The following KDELR3 variants were observed in gnomAD, a reference collection of about 807,000 sequenced individuals.
KDELR3 encodes ER lumen protein-retaining receptor 3.
Under a neutral mutation model 22.7 loss-of-function variants are expected in KDELR3, and 26 were observed. That is an observed-to-expected ratio of 1.15 (90% CI 0.84 to 1.59). The LOEUF (loss-of-function observed/expected upper bound fraction) is 1.59. Ranked by LOEUF, KDELR3 falls within the 40% of genes most tolerant of loss-of-function variation. The pLI is 0.00. For missense variants in KDELR3, 289 were observed against 251.1 expected, an observed-to-expected ratio of 1.15 and a Z score of -1.02; for synonymous variants, 120 against 98.2, an observed-to-expected ratio of 1.22 and a Z score of -1.31.
At chr22:38,480,718 A>G (rs2089593783) in intron 3 of KDELR3, among the ~76,000 whole-genome samples, 1 of 152,050 alleles carries the variant, frequency 6.6e-6, no homozygotes, top group Non-Finnish European at 1.5e-5. Context: ...GCACCACTGC[A>G]CTCCAGCCTG....
Position 38,481,471 on chromosome 22 carries a change from C to CA in KDELR3, c.604+7_604+8insA, listed in dbSNP as rs780417621. 4.3e-6 allele frequency: 7 copies of CA among 1,614,096 alleles called. No individual in the cohort carries two copies. In the African/African-American group the frequency reaches 6.7e-5, roughly 15 times the overall value. On this transcript the variant is annotated splice_region_variant and intron_variant, in intron 4 of 4. Transcript: ENST00000216014. Reference sequence around the variant, plus strand: ...TACTTGTATGTGACCAAAGGTAGGTCCTGGGATGACAGCAATGCTGACACT... The same window carrying CA: ...TACTTGTATGTGACCAAAGGTAGGTCACTGGGATGACAGCAATGCTGACACT...
intron 1 of KDELR3, among the ~76,000 whole-genome samples, chr22:38,469,922 C>A (rs2089514278): frequency 6.6e-6 from 1 of 152,100 alleles, no homozygotes; most frequent in African/African-American, 2.4e-5. Context: ...CAGGTTCAAG[C>A]GATTCTCCTG....
intron 2 of KDELR3, among the ~76,000 whole-genome samples, chr22:38,474,861 C>T (rs1222000453): frequency 6.6e-6 from 1 of 151,768 alleles, no homozygotes; most frequent in Non-Finnish European, 1.5e-5. Context: ...ATTTGGGAGG[C>T]CGAGTCGGGC....
rs1602664110 is a variant in KDELR3 at position 38,481,725 on chromosome 22, G to C, written c.604+261G>C. 2.8e-5 allele frequency: 33 copies of C among 1,195,122 alleles called. 1 individual carries two copies. The East Asian group carries it at 6.4e-4, about 23-fold the overall frequency. The allele number at this position is 1,195,122 out of a possible 1,614,324, so 74.0% of individuals were successfully genotyped here. Reference sequence around the variant, plus strand: ...TTGGTTAGTAGTGAAAAACATTCCAGAACTTATTACAAGCCCCAAGGCAAC... The same window carrying C: ...TTGGTTAGTAGTGAAAAACATTCCACAACTTATTACAAGCCCCAAGGCAAC... On this transcript the variant is annotated intron_variant, in intron 4 of 4. Transcript: ENST00000216014.
chr22:38,482,407 TAA>T, intron 4 of KDELR3, 87 bp from the exon 5 acceptor site: 1 of 1,085,040 alleles, frequency 9.2e-7, no homozygotes, highest in Non-Finnish European at 1.4e-6. Context: ...AGCCGGCCAT[TAA>T]GAGATGATAC....
chr22:38,478,804 G>C, intron 2 of KDELR3, among the ~76,000 whole-genome samples: 1 of 151,156 alleles, frequency 6.6e-6, no homozygotes, highest in Non-Finnish European at 1.5e-5. Flanking sequence ...ATGCATGCCT[G>C]GCTAGTTTTT....
intron 2 of KDELR3, among the ~76,000 whole-genome samples, chr22:38,476,675 C>G (rs1202301135): frequency 6.6e-6 from 1 of 151,994 alleles, no homozygotes; most frequent in African/African-American, 2.4e-5. Context: ...CAGGCACCCA[C>G]CACCACGCCC....
intron 4 of KDELR3, among the ~76,000 whole-genome samples, chr22:38,481,875 C>T (rs2089605146): frequency 6.6e-6 from 1 of 152,206 alleles, no homozygotes; most frequent in African/African-American, 2.4e-5. Context: ...CTGGCCCACA[C>T]TGAAGAATTG....
chr22:38,479,714 T>C lies in KDELR3; in HGVS notation c.314T>C (p.Leu105Pro), dbSNP rs1239378582. The C allele has an allele frequency of 1.9e-6, 3 of 1,614,178 alleles. No individual in the cohort carries two copies. The highest frequency in any genetic ancestry group is 1.7e-6 in the Non-Finnish European group (2 of 1,180,020). The part of the protein sequence containing the change: ...LEFLLVPVIG[L>P]SFLENYSFTL... ...TTTCTTCTGGTCCCAGTCATTGGCC[T>C]TTCCTTCCTTGAAAACTACAGTTTC... Residue 105 changes from leucine (L) to proline (P), a missense_variant, in exon 3 of 5, where the codon CTT (leucine) becomes CCT (proline). Physicochemically the swap from Leu to Pro is moderately conservative, Grantham distance 98. Coordinates refer to ENST00000216014, the MANE Select transcript of KDELR3 (RefSeq NM_006855.4).
At chr22:38,468,372 C>T (rs2089500995) in intron 1 of KDELR3, 48 bp downstream of exon 1, 6 of 1,565,546 alleles carry the variant, frequency 3.8e-6, no homozygotes, top group Middle Eastern at 1.7e-4. Context: ...TCTGGCCAGC[C>T]TCATGCCCCT....
intron 3 of KDELR3, 71 bp from the exon 4 acceptor site, chr22:38,481,141 T>C (rs2089596675): frequency 7.5e-7 from 1 of 1,331,034 alleles, no homozygotes; most frequent in African/African-American, 1.5e-5. Flanking sequence ...ATTGTTTTAG[T>C]AATTATGTTC....
rs151099270 is a variant in KDELR3, at chr22:38,482,862, G to A, written c.*326G>A. 309 of 309,458 alleles carry A rather than the reference G, an allele frequency of 1.0e-3. 1 individual carries two copies. The highest frequency in any genetic ancestry group is 1.5e-3 in the Non-Finnish European group (246 of 168,150). 19.2% of individuals were successfully genotyped at this position (309,458 alleles called of 1,614,324 possible). A position where few individuals can be genotyped will look rare whatever the true frequency, so the allele number is the denominator to read the frequency against. ...AAGGCCTGAGGGCAAGACTCATGATGAGCAAGTCAACCCCAATCTGGAACA... is the reference window on the plus strand; with the variant it reads ...AAGGCCTGAGGGCAAGACTCATGATAAGCAAGTCAACCCCAATCTGGAACA... On this transcript the variant is annotated 3_prime_UTR_variant, in exon 5 of 5. Coordinates refer to ENST00000216014, the MANE Select transcript of KDELR3 (RefSeq NM_006855.4).
intron 2 of KDELR3, among the ~76,000 whole-genome samples, chr22:38,475,128 G>A (rs1349398069): frequency 6.8e-6 from 1 of 146,526 alleles, no homozygotes; most frequent in Non-Finnish European, 1.5e-5. Flanking sequence ...ACTTAGCTCA[G>A]AGGGTTTGGT....
chr22:38,480,786 G>C (rs141780380), intron 3 of KDELR3, among the ~76,000 whole-genome samples: 2 of 151,740 alleles, frequency 1.3e-5, no homozygotes, highest in African/African-American at 4.8e-5. Flanking sequence ...TTTTGGCTGG[G>C]TGTAGTGGCA....
At chr22:38,479,817 C>A in intron 3 of KDELR3, 66 bp downstream of exon 3, 1 of 1,497,772 alleles carries the variant, frequency 6.7e-7, no homozygotes, top group Non-Finnish European at 9.3e-7. Context: ...TCCCTCCAGA[C>A]CCTGGGCTTG....
At chr22:38,472,096 C>T (rs1292265463) in intron 1 of KDELR3, among the ~76,000 whole-genome samples, 2 of 152,152 alleles carry the variant, frequency 1.3e-5, no homozygotes, top group African/African-American at 2.4e-5. Context: ...CCCTTATCCA[C>T]GGAGGATATG....
At position 38,477,212 on chromosome 22, in the gene KDELR3, C is replaced by A. The variant is rs758497043; in HGVS notation, c.193-2381C>A. Among the ~76,000 whole-genome samples the A allele has an allele frequency of 8.7e-5, 13 of 149,258 alleles. 1 individual carries two copies. Among genetic ancestry groups the A allele is most frequent in the Non-Finnish European group, 1.6e-4 (11 of 67,440 alleles). ...ACAGGCATTAGCCACCATGCCCAGT[C>A]TTTTTTATTTTGAGACAGTCTCCCT... On this transcript the variant is annotated intron_variant, in intron 2 of 4. Transcript: ENST00000216014.
At chr22:38,475,557 G>C (rs1337803259) in intron 2 of KDELR3, among the ~76,000 whole-genome samples, 1 of 152,226 alleles carries the variant, frequency 6.6e-6, no homozygotes, top group Non-Finnish European at 1.5e-5. Flanking sequence ...TCTTCAAAGA[G>C]ATGACATGTA....
chr22:38,479,818 C>T (rs2089586985), intron 3 of KDELR3, 67 bp downstream of exon 3: 2 of 1,461,394 alleles, frequency 1.4e-6, no homozygotes, highest in Admixed American at 3.5e-5. Context: ...CCCTCCAGAC[C>T]CTGGGCTTGC....
Sources: allele counts gnomAD v4.1 joint callset (sites outside exome capture counted in the v4.1 genomes callset), GRCh38; gene constraint gnomAD v4.1.1; transcripts MANE v1.5; gene names NCBI Gene and HGNC (gene_info 2026-07-23, HGNC 2026-07-21).